HOOK3: variants seen among roughly 807,000 people sequenced by gnomAD.
HOOK3 encodes hook microtubule tethering protein 3.
In HOOK3, 24 loss-of-function variants were observed where a neutral mutation model predicts 116.3. The ratio of observed to expected loss-of-function variants is 0.21; its 90% confidence interval spans 0.15 to 0.29. The LOEUF (loss-of-function observed/expected upper bound fraction) is 0.29, where lower values mean the gene tolerates loss of function less well. HOOK3 is among the 10% of genes least tolerant of loss of function. The pLI is 1.00. For synonymous variants in HOOK3, 275 were observed against 283.0 expected (o/e 0.97, Z 0.28); for missense variants, 632 against 830.2 (o/e 0.76, Z 2.93).
At chr8:42,941,359 C>CA (rs79137029) in intron 4 of HOOK3, among the ~76,000 whole-genome samples, 11 of 148,998 alleles carry the variant, frequency 7.4e-5, no homozygotes, top group African/African-American at 2.4e-4. Context: ...ACTAAAAATA[C>CA]AAAAAAAAAT....
chr8:42,968,474 C>T (rs944369593), intron 11 of HOOK3, among the ~76,000 whole-genome samples: 8 of 152,108 alleles, frequency 5.3e-5, no homozygotes, highest in Non-Finnish European at 1.0e-4. Context: ...GAACTACAGA[C>T]GCATGCTGCC....
rs964029397 is a variant in HOOK3 at position 43,028,536 on chromosome 8, A to G, written c.*10038A>G. The stretch of plus-strand genomic sequence containing the variant: ...TTCTGTCCCTTAAACATTTCCCCTG[A>G]AAGTCCACCTCAAAGGTACATCAAG... On this transcript the variant is annotated 3_prime_UTR_variant, in exon 22 of 22. Coordinates refer to ENST00000307602, the MANE Select transcript of HOOK3 (RefSeq NM_032410.4). 19 of 188,558 alleles carry G rather than the reference A, an allele frequency of 1.0e-4. No individual in the cohort carries two copies. Among genetic ancestry groups the G allele is most frequent in the Non-Finnish European group, 1.9e-4 (17 of 89,734 alleles). The allele number at this position is 188,558 out of a possible 1,614,324, so 11.7% of individuals were successfully genotyped here.
intron 13 of HOOK3, among the ~76,000 whole-genome samples, chr8:42,978,427 T>TC (rs1808869110): frequency 1.3e-5 from 2 of 148,200 alleles, no homozygotes; most frequent in South Asian, 2.1e-4. Flanking sequence ...TTTTTTTTTT[T>TC]CAGATGAAGT....
intron 7 of HOOK3, among the ~76,000 whole-genome samples, chr8:42,958,784 A>G (rs1808485127): frequency 6.6e-6 from 1 of 151,892 alleles, no homozygotes; most frequent in South Asian, 2.1e-4. Context: ...TAAGGTTTTA[A>G]TATGACTCTC....
intron 6 of HOOK3, among the ~76,000 whole-genome samples, chr8:42,951,224 C>G (rs930235580): frequency 6.6e-6 from 1 of 151,982 alleles, no homozygotes; most frequent in Non-Finnish European, 1.5e-5. Flanking sequence ...CCACGCCTGG[C>G]TAGTTTTTGT....
At chr8:42,980,361 C>T (rs935738094) in intron 13 of HOOK3, among the ~76,000 whole-genome samples, 2 of 152,148 alleles carry the variant, frequency 1.3e-5, no homozygotes, top group African/African-American at 4.8e-5. Flanking sequence ...TAAACTATCA[C>T]ATTTGTTTCT....
In HOOK3 at chr8:43,029,794, A is replaced by C. The variant is rs932487901; in HGVS notation, c.*11296A>C. ...AAACTTTTTAGATGAGCTGGATGAA[A>C]CCTTAGTACATTGGAGCTGGAGTTG... On this transcript the variant is annotated 3_prime_UTR_variant, in exon 22 of 22. Coordinates refer to ENST00000307602, the MANE Select transcript of HOOK3 (RefSeq NM_032410.4). The C allele has an allele frequency of 1.9e-5, 4 of 209,122 alleles. No individual in the cohort carries two copies. The highest frequency in any genetic ancestry group is 9.1e-5 in the African/African-American group (4 of 44,058). 13.0% of individuals were successfully genotyped at this position (209,122 alleles called of 1,614,324 possible).
chr8:42,978,654 T>G (rs1295756273), intron 13 of HOOK3, among the ~76,000 whole-genome samples: 1 of 152,112 alleles, frequency 6.6e-6, no homozygotes, highest in Non-Finnish European at 1.5e-5. Context: ...CCTCAGGTGA[T>G]CCACCCACCT....
At chr8:42,965,037 C>CT (rs1199979735) in intron 9 of HOOK3, among the ~76,000 whole-genome samples, 4 of 152,340 alleles carry the variant, frequency 2.6e-5, no homozygotes, top group South Asian at 4.1e-4. Flanking sequence ...TACCCCACAC[C>CT]TGCCCCTCTG....
At chr8:42,939,557 TG>T (rs545113467) in intron 4 of HOOK3, among the ~76,000 whole-genome samples, 2,457 of 145,172 alleles carry the variant, frequency 0.017, 37 homozygotes, top group Non-Finnish European at 0.021. Flanking sequence ...ACAGGGCGGC[TG>T]GCCGAGCGGG....
intron 15 of HOOK3, chr8:42,994,368 CT>C: frequency 2.7e-6 from 1 of 366,236 alleles, no homozygotes; most frequent in Non-Finnish European, 5.3e-6. Context: ...TTTGCTCTTC[CT>C]TTTCTAGTTC....
chr8:42,950,483 T>C (rs1808318389), intron 6 of HOOK3, 28 bp downstream of exon 6: 3 of 1,497,874 alleles, frequency 2.0e-6, no homozygotes, highest in Non-Finnish European at 1.9e-6. Context: ...GCTTATAGTT[T>C]ATGAAAAATT....
chr8:42,909,156 C>A (rs1017858986), intron 2 of HOOK3, among the ~76,000 whole-genome samples: 31 of 152,060 alleles, frequency 2.0e-4, no homozygotes, highest in Non-Finnish European at 3.8e-4. Context: ...ATGAAAGATA[C>A]GTGTTGGTGA....
intron 5 of HOOK3, among the ~76,000 whole-genome samples, chr8:42,946,822 C>CCAGT (rs1457992992): frequency 6.9e-6 from 1 of 144,600 alleles, no homozygotes; most frequent in African/African-American, 2.6e-5. Context: ...AGGCTGGAGT[C>CCAGT]CAGTGGTGTG....
chr8:42,950,886 T>C (rs1808326144), intron 6 of HOOK3, among the ~76,000 whole-genome samples: 2 of 151,992 alleles, frequency 1.3e-5, no homozygotes, highest in South Asian at 2.1e-4. Flanking sequence ...GGGGTTTCAC[T>C]TTGTTAGCCA....
At position 43,026,039 on chromosome 8, in the gene HOOK3, AAAG is replaced by A. The variant is rs908513278; in HGVS notation, c.*7546_*7548del. 4.3e-5 allele frequency: 9 copies of A among 209,816 alleles called. No individual in the cohort carries two copies. Among genetic ancestry groups the A allele is most frequent in the African/African-American group, 2.0e-4 (9 of 44,070 alleles). 13.0% of individuals were successfully genotyped at this position (209,816 alleles called of 1,614,324 possible). On this transcript the variant is annotated 3_prime_UTR_variant, in exon 22 of 22. Coordinates refer to ENST00000307602, the MANE Select transcript of HOOK3 (RefSeq NM_032410.4). ...GAGAAAAGCAACTCCTACTTGAGAGAAAGAAGACTACCAAAGCATGTTGAGGCT... is the reference window on the plus strand; with the variant it reads ...GAGAAAAGCAACTCCTACTTGAGAGAAAGACTACCAAAGCATGTTGAGGCT...
At position 42,967,466 on chromosome 8, in the gene HOOK3, A is replaced by G. The variant is rs186519318; in HGVS notation, c.921-547A>G. The stretch of plus-strand genomic sequence containing the variant: ...CCTGTTCAGGGCTAATTCCTTCTTC[A>G]GTGTTCTGGACCTCTACCTTTCTGG... On this transcript the variant is annotated intron_variant, in intron 10 of 21. Coordinates refer to ENST00000307602, the MANE Select transcript of HOOK3 (RefSeq NM_032410.4). 2.0e-5 allele frequency among the ~76,000 whole-genome samples: 3 copies of G among 152,234 alleles called. No homozygotes were observed. The East Asian group carries it at 5.8e-4, about 29-fold the overall frequency.
intron 13 of HOOK3, among the ~76,000 whole-genome samples, chr8:42,977,918 G>T (rs1257911389): frequency 6.6e-6 from 1 of 151,986 alleles, no homozygotes; most frequent in Non-Finnish European, 1.5e-5. Context: ...ATTAAAGAAG[G>T]CCCAAAAAGA....
chr8:42,991,659 C>G (rs1211822387), intron 15 of HOOK3, among the ~76,000 whole-genome samples: 2 of 152,146 alleles, frequency 1.3e-5, no homozygotes, highest in Non-Finnish European at 2.9e-5. Context: ...ACCTCAGCCT[C>G]CCAAAGTGCT....
Sources: allele counts gnomAD v4.1 joint callset (sites outside exome capture counted in the v4.1 genomes callset), GRCh38; gene constraint gnomAD v4.1.1; transcripts MANE v1.5; gene names NCBI Gene and HGNC (gene_info 2026-07-23, HGNC 2026-07-21).